Variants in PLAAT3 observed in about 807,000 individuals in gnomAD.
PLAAT3 encodes Ca-independent phospholipase A1/2.
A neutral mutation model predicts 16.7 loss-of-function variants in PLAAT3; 21 were observed. The observed-to-expected ratio is 1.26, with a 90% confidence interval of 0.89 to 1.81. The LOEUF (loss-of-function observed/expected upper bound fraction) is 1.81. Ranked by LOEUF, PLAAT3 falls within the 40% of genes most tolerant of loss-of-function variation. PLAAT3 has a pLI of 0.00. For synonymous variants in PLAAT3, 76 were observed against 81.7 expected, an observed-to-expected ratio of 0.93 and a Z score of 0.38; for missense variants, 219 against 213.7, an observed-to-expected ratio of 1.02 and a Z score of -0.16.
Position 63,608,834 on chromosome 11 carries a change from T to C in PLAAT3, c.15+5166A>G, listed in dbSNP as rs372834882. Among the ~76,000 whole-genome samples the C allele has an allele frequency of 1.2e-4, 18 of 152,292 alleles. No individual in the cohort carries two copies. The South Asian group carries it at 3.5e-3, about 30-fold the overall frequency. On this transcript the variant is annotated intron_variant, in intron 2 of 4. Transcript: ENST00000415826. ...GGGGGCCCTGTGTTCAAATCTGAGCTCTACTACTTACTAACTATATAGTCT... is the reference window on the plus strand; with the variant it reads ...GGGGGCCCTGTGTTCAAATCTGAGCCCTACTACTTACTAACTATATAGTCT...
At chr11:63,615,196 G>GCA (rs1938825922), upstream of PLAAT3, among the ~76,000 whole-genome samples, 1 of 101,096 alleles carries the variant, frequency 9.9e-6, no homozygotes, top group African/African-American at 4.0e-5. Context: ...ATATATGTGT[G>GCA]TATATATGTG....
intron 4 of PLAAT3, among the ~76,000 whole-genome samples, chr11:63,584,723 G>T (rs1937920353): frequency 6.6e-6 from 1 of 151,928 alleles, no homozygotes; most frequent in South Asian, 2.1e-4. Context: ...GGTTAGCCAG[G>T]ATGGTCTTGA....
At position 63,574,792 on chromosome 11, in the gene PLAAT3, A is replaced by G. The variant is rs768852403; in HGVS notation, c.*153T>C. 1.1e-5 allele frequency: 7 copies of G among 610,780 alleles called. No individual in the cohort carries two copies. The highest frequency in any genetic ancestry group is 5.9e-5 in the South Asian group (3 of 51,108). The allele number at this position is 610,780 out of a possible 1,614,324, so 37.8% of individuals were successfully genotyped here. A position where few individuals can be genotyped will look rare whatever the true frequency, so the allele number is the denominator to read the frequency against. ...GGCAGTTCTTGCTGCACTTCCCCCA[A>G]TAAAATCCTCCCTCGTTTTGCTTTA... is the stretch of plus-strand genomic sequence containing the variant. On this transcript the variant is annotated 3_prime_UTR_variant, in exon 5 of 5. Coordinates refer to ENST00000415826, the MANE Select transcript of PLAAT3 (RefSeq NM_001128203.2).
At position 63,590,116 on chromosome 11, in the gene PLAAT3, A is replaced by G. The variant is rs779428135; in HGVS notation, c.371T>C (p.Val124Ala). The G allele has an allele frequency of 3.7e-6, 6 of 1,613,532 alleles. No homozygotes were observed. Among genetic ancestry groups the G allele is most frequent in the Non-Finnish European group, 5.1e-6 (6 of 1,179,758 alleles). Residue 124 changes from valine (V) to alanine (A), a missense_variant, in exon 4 of 5, where the codon GTC becomes GCC. Physicochemically the swap from Val to Ala is moderately conservative, Grantham distance 64. Coordinates refer to ENST00000415826, the MANE Select transcript of PLAAT3 (RefSeq NM_001128203.2). Reference sequence around the variant, plus strand: ...AGGACGCACCTGGTCACTGCGGGCGACTCCATAGCGCAGCTCATTCACAAA... The same window carrying G: ...AGGACGCACCTGGTCACTGCGGGCGGCTCCATAGCGCAGCTCATTCACAAA... ...EHFVNELRYG[V>A]ARSDQVRDVI... is the part of the protein sequence containing the mutation.
chr11:63,615,400 GTGTATA>G (rs1336512284), upstream of PLAAT3, among the ~76,000 whole-genome samples: 333 of 13,002 alleles, frequency 0.026, 8 homozygotes, highest in African/African-American at 0.06. Flanking sequence ...GTATATATGT[GTGTATA>G]TGTGTGTGTG....
intron 4 of PLAAT3, among the ~76,000 whole-genome samples, chr11:63,589,247 A>G (rs1938068390): frequency 6.6e-6 from 1 of 152,038 alleles, no homozygotes; most frequent in South Asian, 2.1e-4. Flanking sequence ...CCAGGCTCTT[A>G]ACCACCACAC....
In PLAAT3 at chr11:63,576,455, T is replaced by C. The variant is rs538362884; in HGVS notation, c.388-1409A>G. Among the ~76,000 whole-genome samples the C allele has an allele frequency of 5.9e-5, 9 of 152,110 alleles. No homozygotes were observed. In the East Asian group the frequency reaches 1.7e-3, roughly 29 times the overall value. ...CCCAGCCAACATGCGAAACCCCATC[T>C]CTAAAAATCACAAAAATTAGCCAGG... On this transcript the variant is annotated intron_variant, in intron 4 of 4. Transcript: ENST00000415826.
In PLAAT3 at chr11:63,578,549, G is replaced by C. The variant is rs183147254; in HGVS notation, c.388-3503C>G. ...ATATAGACCAATGGAACAGAACAGA[G>C]CCCTCAGAAATAATGCCACATATCT... On this transcript the variant is annotated intron_variant, in intron 4 of 4. Coordinates refer to ENST00000415826, the MANE Select transcript of PLAAT3 (RefSeq NM_001128203.2). Among the ~76,000 whole-genome samples, 328 of 152,120 alleles carry C rather than the reference G, an allele frequency of 2.2e-3. 3 individuals are homozygous for C. Among genetic ancestry groups the C allele is most frequent in the African/African-American group, 6.9e-3 (285 of 41,482 alleles).
chr11:63,579,026 GA>G (rs568274346), intron 4 of PLAAT3, among the ~76,000 whole-genome samples: 3 of 151,566 alleles, frequency 2.0e-5, no homozygotes, highest in Non-Finnish European at 2.9e-5. Flanking sequence ...ACATTTACAA[GA>G]AAAAAAACAA....
chr11:63,579,834 G>A (rs1937748668), intron 4 of PLAAT3, among the ~76,000 whole-genome samples: 2 of 143,142 alleles, frequency 1.4e-5, no homozygotes, highest in African/African-American at 5.3e-5. Context: ...TAACAAACCT[G>A]CACGTTGTAC....
intron 4 of PLAAT3, among the ~76,000 whole-genome samples, chr11:63,584,634 C>T (rs1937917530): frequency 6.6e-6 from 1 of 151,738 alleles, no homozygotes; most frequent in Admixed American, 6.6e-5. Flanking sequence ...CTGCCTCAGC[C>T]TCCCAAGTAG....
At position 63,603,825 on chromosome 11, in the gene PLAAT3, G is replaced by A. The variant is rs1174612123; in HGVS notation, c.16-5662C>T. ...TGGAAATATTAATTGAGAAAAGCAA[G>A]TTGAAAGACATTATTATTCCATTGT... On this transcript the variant is annotated intron_variant, in intron 2 of 4. Transcript: ENST00000415826. Among the ~76,000 whole-genome samples the A allele has an allele frequency of 2.0e-5, 3 of 151,592 alleles. No homozygotes were observed. In the East Asian group the frequency reaches 5.8e-4, roughly 29 times the overall value.
chr11:63,586,322 C>T (rs1181217493), intron 4 of PLAAT3, among the ~76,000 whole-genome samples: 1 of 152,092 alleles, frequency 6.6e-6, no homozygotes, highest in Non-Finnish European at 1.5e-5. Flanking sequence ...TTAGTAGAGA[C>T]GGGGTTTCAC....
chr11:63,590,028 G>C, intron 4 of PLAAT3, 72 bp downstream of exon 4: 1 of 1,455,418 alleles, frequency 6.9e-7, no homozygotes, highest in Non-Finnish European at 9.5e-7. Context: ...TGCCTCCATA[G>C]CCATGCCCAG....
At chr11:63,600,706 G>A (rs1296210910) in intron 2 of PLAAT3, among the ~76,000 whole-genome samples, 1 of 151,518 alleles carries the variant, frequency 6.6e-6, no homozygotes, top group African/African-American at 2.4e-5. Context: ...GGGTTCAAGC[G>A]ATTCTCCTGC....
intron 4 of PLAAT3, among the ~76,000 whole-genome samples, chr11:63,578,059 G>C (rs1937667635): frequency 6.6e-6 from 1 of 152,172 alleles, no homozygotes; most frequent in African/African-American, 2.4e-5. Flanking sequence ...AAGGCAGGCA[G>C]ATTGCTTGAG....
upstream of PLAAT3, among the ~76,000 whole-genome samples, chr11:63,615,086 A>ATG (rs1555047840): frequency 0.062 from 1,231 of 19,830 alleles, 254 homozygotes; most frequent in East Asian, 0.086. Flanking sequence ...GTGTGTATAT[A>ATG]TGTGTATATA....
At chr11:63,588,607 A>G (rs763505882) in intron 4 of PLAAT3, among the ~76,000 whole-genome samples, 7 of 152,194 alleles carry the variant, frequency 4.6e-5, no homozygotes, top group East Asian at 1.9e-4. Context: ...CCAGACCATG[A>G]CCAACAGACT....
At chr11:63,601,603 G>T (rs562074748) in intron 2 of PLAAT3, among the ~76,000 whole-genome samples, 33 of 152,258 alleles carry the variant, frequency 2.2e-4, no homozygotes, top group South Asian at 1.0e-3. Flanking sequence ...TGGTCACTTG[G>T]CAAGTTGGAT....
Sources: allele counts gnomAD v4.1 joint callset (sites outside exome capture counted in the v4.1 genomes callset), GRCh38; gene constraint gnomAD v4.1.1; transcripts MANE v1.5; gene names NCBI Gene and HGNC (gene_info 2026-07-23, HGNC 2026-07-21).